Variants in GRID2 observed in about 807,000 individuals in gnomAD.
GRID2 encodes the protein glutamate ionotropic receptor delta type subunit 2.
GRID2 carries 33 observed loss-of-function variants against 114.8 expected under a neutral mutation model. The ratio of observed to expected loss-of-function variants is 0.29; its 90% CI spans 0.22 to 0.38. The LOEUF is 0.38. Ranked by LOEUF, GRID2 falls within the 10% of genes least tolerant of loss-of-function variation. GRID2 has a pLI of 1.00. For synonymous variants in GRID2, 505 were observed against 449.9 expected (o/e 1.12, Z -1.55); for missense variants, 1,184 against 1,257.7 (o/e 0.94, Z 0.89).
rs569377034 is a variant in GRID2, at chr4:93,347,891, A to G, written c.1246-47716A>G. ...AAATGAAAGCTGGTTGCTGCATTGA[A>G]CAATATCAAAAATTTATTATTTGGA... On this transcript the variant is annotated intron_variant, in intron 8 of 15. Coordinates refer to ENST00000282020, the MANE Select transcript of GRID2 (RefSeq NM_001510.4). Among the ~76,000 whole-genome samples, 21 of 152,268 alleles carry G rather than the reference A, an allele frequency of 1.4e-4. No individual in the cohort carries two copies. In the South Asian group the frequency reaches 3.7e-3, roughly 27 times the overall value.
intron 2 of GRID2, among the ~76,000 whole-genome samples, chr4:92,713,486 T>TAC (rs1735371167): frequency 9.1e-6 from 1 of 110,454 alleles, no homozygotes; most frequent in African/African-American, 3.6e-5. Context: ...CATATATATA[T>TAC]ATATATATAT....
At chr4:92,920,105 C>T (rs562381755) in intron 2 of GRID2, among the ~76,000 whole-genome samples, 1 of 152,238 alleles carries the variant, frequency 6.6e-6, no homozygotes, top group South Asian at 2.1e-4. Flanking sequence ...TATATAATGG[C>T]CTTCTTTGTC....
At chr4:92,623,145 A>T (rs1157476594) in intron 2 of GRID2, among the ~76,000 whole-genome samples, 2 of 151,684 alleles carry the variant, frequency 1.3e-5, no homozygotes, top group Non-Finnish European at 3.0e-5. Context: ...AAAATATTTT[A>T]AAATAGTTAT....
chr4:93,426,108 C>T (rs1768821338), intron 10 of GRID2, among the ~76,000 whole-genome samples: 1 of 152,068 alleles, frequency 6.6e-6, no homozygotes, highest in Non-Finnish European at 1.5e-5. Flanking sequence ...TAAAAGGTTT[C>T]TTAAGGCAGT....
intron 4 of GRID2, among the ~76,000 whole-genome samples, chr4:93,121,673 G>A (rs1021694565): frequency 6.6e-6 from 1 of 152,122 alleles, no homozygotes; most frequent in Admixed American, 6.6e-5. Context: ...GCTAGCTCAA[G>A]GAGTACGCAT....
At chr4:92,642,002 T>C (rs750152320) in intron 2 of GRID2, among the ~76,000 whole-genome samples, 19 of 151,552 alleles carry the variant, frequency 1.3e-4, no homozygotes, top group Non-Finnish European at 2.2e-4. Flanking sequence ...ATGTTGTATA[T>C]GTACCACATT....
intron 2 of GRID2, among the ~76,000 whole-genome samples, chr4:92,653,480 T>C (rs1732075788): frequency 6.6e-6 from 1 of 151,974 alleles, no homozygotes; most frequent in Non-Finnish European, 1.5e-5. Flanking sequence ...ACCACTAGTT[T>C]CTACTTTTGT....
At chr4:92,730,926 A>T (rs1385047070) in intron 2 of GRID2, among the ~76,000 whole-genome samples, 1 of 152,038 alleles carries the variant, frequency 6.6e-6, no homozygotes, top group Non-Finnish European at 1.5e-5. Flanking sequence ...CTAATATATT[A>T]TACAAAAATA....
At chr4:93,093,518 T>C (rs539096796) in intron 3 of GRID2, among the ~76,000 whole-genome samples, 1 of 152,084 alleles carries the variant, frequency 6.6e-6, no homozygotes, top group African/African-American at 2.4e-5. Context: ...ATTTGTGAAG[T>C]AGGAAATTAG....
At chr4:93,424,894 T>G (rs919304255) in intron 10 of GRID2, among the ~76,000 whole-genome samples, 2 of 152,200 alleles carry the variant, frequency 1.3e-5, no homozygotes, top group Non-Finnish European at 2.9e-5. Flanking sequence ...TTTGACAATT[T>G]GTCTTGATCT....
At chr4:92,923,507 TA>T (rs33965393) in intron 2 of GRID2, among the ~76,000 whole-genome samples, 4,849 of 152,120 alleles carry the variant, frequency 0.032, 134 homozygotes, top group East Asian at 0.14. Flanking sequence ...TAGAAATCAA[TA>T]AAAAAATCAC....
Position 92,767,823 on chromosome 4 carries a change from T to C in GRID2, c.244+177537T>C, listed in dbSNP as rs544286227. ...GGGAGGGTTGTGGCAGGAGAATCAC[T>C]TGAGGCCAGGATTTCAAGGCTGTAG... On this transcript the variant is annotated intron_variant, in intron 2 of 15. Coordinates refer to ENST00000282020, the MANE Select transcript of GRID2 (RefSeq NM_001510.4). Among the ~76,000 whole-genome samples, 3 of 152,052 alleles carry C rather than the reference T, an allele frequency of 2.0e-5. No individual in the cohort carries two copies. In the South Asian group the frequency reaches 6.2e-4, roughly 32 times the overall value.
chr4:93,333,814 A>G (rs955498308), intron 8 of GRID2, among the ~76,000 whole-genome samples: 4 of 152,162 alleles, frequency 2.6e-5, no homozygotes, highest in African/African-American at 9.7e-5. Context: ...AAGTTTACTT[A>G]TGAGTCAATA....
At chr4:92,741,958 C>T (rs1736912870) in intron 2 of GRID2, among the ~76,000 whole-genome samples, 1 of 151,954 alleles carries the variant, frequency 6.6e-6, no homozygotes, top group Non-Finnish European at 1.5e-5. Context: ...AACTCTGGCT[C>T]GAAATGTTTG....
downstream of GRID2, among the ~76,000 whole-genome samples, chr4:93,778,553 C>T (rs115005461): frequency 0.035 from 5,290 of 152,104 alleles, 146 homozygotes; most frequent in Non-Finnish European, 0.053. Flanking sequence ...TGTGCCACCA[C>T]GCTCAGCTAA....
chr4:93,139,089 G>A (rs1346255332), intron 4 of GRID2, among the ~76,000 whole-genome samples: 1 of 152,198 alleles, frequency 6.6e-6, no homozygotes, highest in Non-Finnish European at 1.5e-5. Context: ...TCAAATTACA[G>A]TATCTCAAGA....
intron 2 of GRID2, among the ~76,000 whole-genome samples, chr4:92,923,038 G>A (rs1256362907): frequency 6.6e-6 from 1 of 152,086 alleles, no homozygotes; most frequent in Non-Finnish European, 1.5e-5. Flanking sequence ...TTTTGCATGT[G>A]CATTATACCT....
chr4:92,902,970 T>C (rs1219056293), intron 2 of GRID2, among the ~76,000 whole-genome samples: 2 of 152,078 alleles, frequency 1.3e-5, no homozygotes, highest in Admixed American at 6.6e-5. Context: ...CATAGCATCA[T>C]TTGAAGTCAG....
At position 92,931,124 on chromosome 4, in the gene GRID2, G is replaced by A. The variant is rs185251643; in HGVS notation, c.245-153871G>A. On this transcript the variant is annotated intron_variant, in intron 2 of 15. Transcript: ENST00000282020. ...TTAAAATCCTTAAAAAAATTCCAAA[G>A]TTGTATTCAGAAATACATAATAATA... Among the ~76,000 whole-genome samples the A allele has an allele frequency of 1.1e-4, 16 of 150,866 alleles. No homozygotes were observed. The East Asian group carries it at 1.4e-3, about 13-fold the overall frequency.
Sources: gnomAD v4.1 joint callset for allele counts (sites outside exome capture counted in the v4.1 genomes callset) on GRCh38, gnomAD v4.1.1 for gene constraint, MANE v1.5 for transcripts, NCBI Gene and HGNC (gene_info 2026-07-23, HGNC 2026-07-21) for gene names.